The following SKA3 variants were observed in gnomAD, a reference collection of about 807,000 sequenced individuals.
SKA3 encodes the protein spindle and kinetochore associated complex subunit 3.
In SKA3, 39 loss-of-function variants were observed where a neutral mutation model predicts 44.2. That is an observed-to-expected ratio of 0.88 (90% confidence interval 0.68 to 1.15). SKA3 has a LOEUF of 1.15. Among genes scored for constraint, SKA3 ranks in the 50% most tolerant of loss-of-function variants. SKA3 has a pLI of 0.00. For missense variants in SKA3, 511 were observed against 485.8 expected (o/e 1.05, Z -0.49); for synonymous variants, 192 against 172.0 (o/e 1.12, Z -0.91).
At chr13:21,158,880 A>G (rs1431662295) in intron 6 of SKA3, among the ~76,000 whole-genome samples, 1 of 152,164 alleles carries the variant, frequency 6.6e-6, no homozygotes, top group Non-Finnish European at 1.5e-5. Context: ...GGTCAGAGTT[A>G]AGAGAGAGAG....
At chr13:21,160,122 A>G in intron 5 of SKA3, 135 bp from the exon 6 acceptor site, 1 of 527,382 alleles carries the variant, frequency 1.9e-6, no homozygotes, top group Admixed American at 3.9e-5. Context: ...AGAGTAATAC[A>G]CAATAACAAA....
intron 4 of SKA3, 94 bp downstream of exon 4, chr13:21,167,894 G>A (rs1406798182): frequency 7.4e-6 from 7 of 949,894 alleles, no homozygotes; most frequent in Non-Finnish European, 9.4e-6. Flanking sequence ...AAGCAAAAAT[G>A]TCTGAAACAT....
chr13:21,156,174 G>A (rs1408121169), intron 7 of SKA3, among the ~76,000 whole-genome samples: 1 of 116,288 alleles, frequency 8.6e-6, no homozygotes, highest in Non-Finnish European at 1.7e-5. Flanking sequence ...GAGACAGAGC[G>A]AGACTTGGTC....
chr13:21,155,873 G>A (rs1870093300), intron 7 of SKA3, 62 bp from the exon 8 acceptor site: 3 of 844,094 alleles, frequency 3.6e-6, no homozygotes, highest in East Asian at 3.9e-5. Flanking sequence ...CCTAAATTTG[G>A]AAGAAGTTAC....
At chr13:21,166,005 T>C (rs1311342445) in intron 4 of SKA3, among the ~76,000 whole-genome samples, 1 of 152,020 alleles carries the variant, frequency 6.6e-6, no homozygotes. Context: ...CAGAGCTTTT[T>C]GGAGCTTGTT....
intron 3 of SKA3, among the ~76,000 whole-genome samples, chr13:21,170,591 ACT>A (rs1473300659): frequency 6.6e-6 from 1 of 152,198 alleles, no homozygotes; most frequent in Non-Finnish European, 1.5e-5. Flanking sequence ...CTTCTGAGTC[ACT>A]GAGTTGTTTT....
In SKA3 at chr13:21,164,370, T is replaced by C. The variant is rs576234778; in HGVS notation, c.744-2495A>G. 9.2e-5 allele frequency among the ~76,000 whole-genome samples: 14 copies of C among 152,306 alleles called. No homozygotes were observed. In the South Asian group the frequency reaches 2.9e-3, roughly 32 times the overall value. ...TTTTGGTTCTTTCCAATTCTCCCCA[T>C]TTAAAATAAGGCTGTAATAAACACC... On this transcript the variant is annotated intron_variant, in intron 4 of 8. Transcript: ENST00000314759.
At position 21,154,617 on chromosome 13, in the gene SKA3, TA is replaced by T. The variant is rs1869996640; in HGVS notation, c.*532del. The T allele has an allele frequency of 6.0e-6, 1 of 165,458 alleles. No homozygotes were observed. The highest frequency in any genetic ancestry group is 1.5e-4 in the South Asian group (1 of 6,680). 10.2% of individuals were successfully genotyped at this position (165,458 alleles called of 1,614,324 possible). A position where few individuals can be genotyped will look rare whatever the true frequency, so the allele number is the denominator to read the frequency against. ...CTCTACCTCCAATGGTCACAGTATA[TA>T]GTTACCCAGGCCTGGAAATCTCCCT... is the stretch of plus-strand genomic sequence containing the variant. On this transcript the variant is annotated 3_prime_UTR_variant, in exon 9 of 9. Coordinates refer to ENST00000314759, the MANE Select transcript of SKA3 (RefSeq NM_145061.6).
intron 4 of SKA3, among the ~76,000 whole-genome samples, chr13:21,163,510 A>G (rs555894400): frequency 3.3e-5 from 5 of 152,312 alleles, no homozygotes; most frequent in African/African-American, 1.2e-4. Context: ...AGAAAGATTC[A>G]CCAGTGGCCA....
At position 21,157,961 on chromosome 13, in the gene SKA3, T is replaced by C. The variant is rs1870213543; in HGVS notation, c.1080A>G (p.Thr360=). 1 of 1,610,066 alleles carries C rather than the reference T, an allele frequency of 6.2e-7. No homozygotes were observed. Among genetic ancestry groups the C allele is most frequent in the Non-Finnish European group, 8.5e-7 (1 of 1,178,480 alleles). Residue 360 remains threonine (T), a synonymous_variant, in exon 7 of 9, where the codon ACA becomes ACG. Transcript: ENST00000314759. ...CTGGAATTTTAGTTACTTCCGGAGG[T>C]GTAGGTGTTCTGAGCAGATTCTCAT... ...SSYENLLRTP[T]PPEVTKIPED... is the part of the protein sequence containing the mutation.
In SKA3 at chr13:21,176,483, G is replaced by GGGACC; in HGVS notation, c.-7_-6insGGTCC. 1 of 1,526,942 alleles carries GGGACC rather than the reference G, an allele frequency of 6.5e-7. No individual in the cohort carries two copies. The highest frequency in any genetic ancestry group is 8.8e-7 in the Non-Finnish European group (1 of 1,133,892). 94.6% of individuals were successfully genotyped at this position (1,526,942 alleles called of 1,614,324 possible). ...AAGCTCCGGATAGGGTCCATGCTGAGCACAGCGGGGAAGGACTCCAGGCGT... is the reference window on the plus strand; with the variant it reads ...AAGCTCCGGATAGGGTCCATGCTGAGGGACCCACAGCGGGGAAGGACTCCAGGCGT... On this transcript the variant is annotated 5_prime_UTR_variant, in exon 1 of 9. Coordinates refer to ENST00000314759, the MANE Select transcript of SKA3 (RefSeq NM_145061.6).
chr13:21,155,157 C>G lies in SKA3; in HGVS notation c.*-7G>C, dbSNP rs1220296339. On this transcript the variant is annotated splice_region_variant and splice_polypyrimidine_tract_variant and intron_variant, in intron 8 of 8. Coordinates refer to ENST00000314759, the MANE Select transcript of SKA3 (RefSeq NM_145061.6). ...GATAGATCCACTGGAATTTCTGCAA[C>G]AGATACAAATAACAAATATCAATTT... is the stretch of plus-strand genomic sequence containing the variant. 1 of 1,214,398 alleles carries G rather than the reference C, an allele frequency of 8.2e-7. No homozygotes were observed. The highest frequency in any genetic ancestry group is 2.4e-5 in the Admixed American group (1 of 42,024). The allele number at this position is 1,214,398 out of a possible 1,614,324, so 75.2% of individuals were successfully genotyped here.
chr13:21,157,903 A>AT lies in SKA3; in HGVS notation c.1119+18_1119+19insA, dbSNP rs1432864024. 6.6e-7 allele frequency: 1 copy of AT among 1,524,434 alleles called. No homozygotes were observed. Among genetic ancestry groups the AT allele is most frequent in the Non-Finnish European group, 8.9e-7 (1 of 1,125,140 alleles). The allele number at this position is 1,524,434 out of a possible 1,614,324, so 94.4% of individuals were successfully genotyped here. A position where few individuals can be genotyped will look rare whatever the true frequency, so the allele number is the denominator to read the frequency against. On this transcript the variant is annotated intron_variant, in intron 7 of 8. Coordinates refer to ENST00000314759, the MANE Select transcript of SKA3 (RefSeq NM_145061.6). ...AAGAATATCAGCAAAAAAAAAAAAAAATAGCCTGGAAAAATAACCTGGAGA... is the reference window on the plus strand; with the variant it reads ...AAGAATATCAGCAAAAAAAAAAAAAATATAGCCTGGAAAAATAACCTGGAGA...
At chr13:21,161,517 A>T (rs557220867) in intron 5 of SKA3, among the ~76,000 whole-genome samples, 3 of 152,340 alleles carry the variant, frequency 2.0e-5, no homozygotes, top group Non-Finnish European at 4.4e-5. Flanking sequence ...AAGGCTCTAC[A>T]TCAAAATATT....
At chr13:21,168,719 G>A (rs1434026409) in intron 3 of SKA3, among the ~76,000 whole-genome samples, 1 of 151,982 alleles carries the variant, frequency 6.6e-6, no homozygotes, top group East Asian at 1.9e-4. Flanking sequence ...TGTAGAGTGG[G>A]GTCTCATCAT....
intron 6 of SKA3, 37 bp from the exon 7 acceptor site, chr13:21,158,162 A>AT: frequency 3.8e-6 from 5 of 1,310,390 alleles, no homozygotes; most frequent in Non-Finnish European, 5.5e-6. Context: ...TTATGGTAAT[A>AT]TAACATAATG....
chr13:21,161,849 C>T lies in SKA3; in HGVS notation c.770G>A (p.Arg257Lys), dbSNP rs765361685. 1 of 1,612,480 alleles carries T rather than the reference C, an allele frequency of 6.2e-7. No individual in the cohort carries two copies. Among genetic ancestry groups the T allele is most frequent in the East Asian group, 2.2e-5 (1 of 44,816 alleles). ...KSEEAIDTES[R>K]LNDNVFATPS... ...AGTGGCAAAAACATTATCATTGAGC[C>T]TGGATTCTGTATCTATGGCCTCCTC... Residue 257 changes from arginine (R) to lysine (K), a missense_variant, in exon 5 of 9, where the codon AGG becomes AAG. By Grantham distance (26) the Arg-to-Lys change is conservative. Transcript: ENST00000314759.
chr13:21,175,014 T>C (rs1871374968), intron 1 of SKA3, among the ~76,000 whole-genome samples: 1 of 152,218 alleles, frequency 6.6e-6, no homozygotes, highest in African/African-American at 2.4e-5. Context: ...GAGTCTAAGA[T>C]CGCTCAGGCT....
Position 21,160,366 on chromosome 13 carries a change from G to A in SKA3, c.830-379C>T, listed in dbSNP as rs74490466. Among the ~76,000 whole-genome samples, 1,013 of 151,856 alleles carry A rather than the reference G, an allele frequency of 6.7e-3. 13 individuals carry two copies. Among genetic ancestry groups the A allele is most frequent in the African/African-American group, 0.023 (959 of 41,218 alleles). Reference sequence around the variant, plus strand: ...CAGGACTTACTCCAAAGGTACAGTAGTTAAAAACAGTGTAACATTAACCAG... The same window carrying A: ...CAGGACTTACTCCAAAGGTACAGTAATTAAAAACAGTGTAACATTAACCAG... On this transcript the variant is annotated intron_variant, in intron 5 of 8. Transcript: ENST00000314759.
Sources: allele counts gnomAD v4.1 joint callset (sites outside exome capture counted in the v4.1 genomes callset), GRCh38; gene constraint gnomAD v4.1.1; transcripts MANE v1.5; gene names NCBI Gene and HGNC (gene_info 2026-07-23, HGNC 2026-07-21).